The following PAH variants were observed in gnomAD, a reference collection of about 807,000 sequenced individuals.
The protein encoded by PAH is phenylalanine-4-hydroxylase.
In PAH, 64 loss-of-function variants were observed where a neutral mutation model predicts 62.0. The ratio of observed to expected loss-of-function variants is 1.03; its 90% CI spans 0.84 to 1.27. The LOEUF (loss-of-function observed/expected upper bound fraction) is 1.27, where lower values mean the gene tolerates loss of function less well. Ranked by LOEUF, PAH falls within the 50% of genes most tolerant of loss-of-function variation. The probability of loss-of-function intolerance (pLI) is 0.00; values close to 1 mark genes in which losing one functional copy is unlikely to be tolerated. For synonymous variants in PAH, 195 were observed against 196.2 expected, an observed-to-expected ratio of 0.99 and a Z score of 0.05; for missense variants, 579 against 542.8, an observed-to-expected ratio of 1.07 and a Z score of -0.66.
At chr12:102,881,627 C>G (rs2136684429) in intron 3 of PAH, among the ~76,000 whole-genome samples, 1 of 152,280 alleles carries the variant, frequency 6.6e-6, no homozygotes. Context: ...TCTCATCACC[C>G]TACCCCCTGG....
intron 9 of PAH, among the ~76,000 whole-genome samples, chr12:102,845,670 C>G (rs568422459): frequency 1.3e-5 from 2 of 152,094 alleles, no homozygotes; most frequent in Non-Finnish European, 2.9e-5. Context: ...TTAGTTACAT[C>G]TGTTTATTGG....
chr12:102,932,208 C>A (rs1010189407), intron 1 of PAH, among the ~76,000 whole-genome samples: 1 of 150,902 alleles, frequency 6.6e-6, no homozygotes, highest in Non-Finnish European at 1.5e-5. Context: ...CCTGCCCAAC[C>A]ATCCCAAACC....
intron 1 of PAH, among the ~76,000 whole-genome samples, chr12:102,915,691 T>C (rs1368407580): frequency 6.6e-6 from 1 of 152,184 alleles, no homozygotes; most frequent in African/African-American, 2.4e-5. Context: ...GATTCCTTCT[T>C]ATAATGCAGT....
intron 1 of PAH, chr12:102,958,182 G>C: frequency 2.3e-6 from 3 of 1,313,476 alleles, no homozygotes; most frequent in Non-Finnish European, 3.0e-6. Context: ...TGTCCCCCTC[G>C]CGGGCCCCGC....
intron 4 of PAH, among the ~76,000 whole-genome samples, chr12:102,876,199 C>T (rs1374127421): frequency 6.6e-6 from 1 of 152,046 alleles, no homozygotes; most frequent in African/African-American, 2.4e-5. Context: ...TCCTCATGCC[C>T]CTCTGTGTTT....
At position 102,868,053 on chromosome 12, in the gene PAH, T is replaced by TATATATACAC. The variant is rs1240010110; in HGVS notation, c.442-1400_442-1391dup. 2.9e-3 allele frequency among the ~76,000 whole-genome samples: 373 copies of TATATATACAC among 127,254 alleles called. 66 individuals are homozygous for TATATATACAC. Among genetic ancestry groups the TATATATACAC allele is most frequent in the African/African-American group, 0.012 (353 of 30,512 alleles). 83.5% of individuals were successfully genotyped at this position (127,254 alleles called of 152,430 possible). ...ATGTATATACACCTATATATATGTA[T>TATATATACAC]ATATATACACATATATATACATATA... On this transcript the variant is annotated intron_variant, in intron 4 of 12. Transcript: ENST00000553106.
intron 4 of PAH, among the ~76,000 whole-genome samples, chr12:102,869,117 C>T (rs1449528355): frequency 6.6e-6 from 1 of 152,174 alleles, no homozygotes; most frequent in Non-Finnish European, 1.5e-5. Flanking sequence ...AAAGAGAATT[C>T]CTTCAATCCG....
chr12:102,898,599 C>T (rs1031328535), intron 2 of PAH, among the ~76,000 whole-genome samples: 1 of 152,186 alleles, frequency 6.6e-6, no homozygotes, highest in African/African-American at 2.4e-5. Flanking sequence ...GATGCCTTTT[C>T]ATACTTAAGT....
chr12:102,954,285 C>A (rs1320228974), upstream of PAH, among the ~76,000 whole-genome samples: 2 of 152,216 alleles, frequency 1.3e-5, no homozygotes, highest in Non-Finnish European at 2.9e-5. Flanking sequence ...AGGAATGACT[C>A]ACCCCTAGGT....
upstream of PAH, among the ~76,000 whole-genome samples, chr12:102,952,541 G>A (rs1879797081): frequency 6.6e-6 from 1 of 152,100 alleles, no homozygotes; most frequent in Admixed American, 6.5e-5. Context: ...GAGCTATATA[G>A]ATTAACGACT....
At chr12:102,851,076 G>A (rs1219045863) in intron 8 of PAH, among the ~76,000 whole-genome samples, 6 of 140,686 alleles carry the variant, frequency 4.3e-5, no homozygotes, top group Non-Finnish European at 7.6e-5. Flanking sequence ...GTGACAGAGT[G>A]AGACCTTGCC....
chr12:102,957,409 C>G lies in PAH; in HGVS notation c.-96+786G>C, dbSNP rs1330139684. Among the ~76,000 whole-genome samples the G allele has an allele frequency of 6.6e-6, 1 of 152,090 alleles. No homozygotes were observed. Among genetic ancestry groups the G allele is most frequent in the African/African-American group, 2.4e-5 (1 of 41,418 alleles). The stretch of plus-strand genomic sequence containing the variant: ...GCCGCCTGTTTATTCAGCCGGGAGT[C>G]CGGCACGCGCCAGGCGCACGCACTG... On this transcript the variant is annotated intron_variant, in intron 1 of 4. Coordinates refer to the PAH transcript ENST00000551337. This position sits in a 1 kb window ranked among gnomAD's most constrained non-coding sequence, Gnocchi z 4.1.
Position 102,923,285 on chromosome 12 carries a change from A to G in PAH, c.-95-6060T>C, listed in dbSNP as rs563919887. On this transcript the variant is annotated intron_variant, in intron 1 of 3. Coordinates refer to the PAH transcript ENST00000546844. ...TATGGAAGCTCAGCTCCTCCTTCACACACAGCCTGATGAGCATGAGACTAA... is the reference window on the plus strand; with the variant it reads ...TATGGAAGCTCAGCTCCTCCTTCACGCACAGCCTGATGAGCATGAGACTAA... Among the ~76,000 whole-genome samples, 5 of 152,358 alleles carry G rather than the reference A, an allele frequency of 3.3e-5. 1 individual carries two copies. Among genetic ancestry groups the G allele is most frequent in the African/African-American group, 1.2e-4 (5 of 41,576 alleles).
chr12:102,883,306 G>A (rs1254732238), intron 3 of PAH, among the ~76,000 whole-genome samples: 1 of 152,136 alleles, frequency 6.6e-6, no homozygotes, highest in Non-Finnish European at 1.5e-5. Context: ...CCTCCCACCA[G>A]AGAAACAACA....
Position 102,877,564 on chromosome 12 carries a change from A to G in PAH, c.353-14T>C, listed in dbSNP as rs1876629542. The stretch of plus-strand genomic sequence containing the variant: ...GGAACCAGGGCACTGAAACACAGAG[A>G]AGGCAACGTCCTGAGTACAGATTGG... On this transcript the variant is annotated splice_polypyrimidine_tract_variant and intron_variant, in intron 3 of 12. Coordinates refer to ENST00000553106, the MANE Select transcript of PAH (RefSeq NM_000277.3). The G allele has an allele frequency of 6.2e-7, 1 of 1,601,180 alleles. No individual in the cohort carries two copies. Among genetic ancestry groups the G allele is most frequent in the South Asian group, 1.1e-5 (1 of 90,838 alleles).
At chr12:102,856,013 A>G (rs1056360722) in intron 5 of PAH, among the ~76,000 whole-genome samples, 4 of 148,584 alleles carry the variant, frequency 2.7e-5, no homozygotes, top group Admixed American at 2.1e-4. Flanking sequence ...TTATATAATT[A>G]TATACAATTA....
chr12:102,922,724 CAT>C (rs1878588240), intron 1 of PAH, among the ~76,000 whole-genome samples: 1 of 152,278 alleles, frequency 6.6e-6, no homozygotes, highest in South Asian at 2.1e-4. Context: ...TCATTTTACA[CAT>C]GTGTAAGAAG....
At chr12:102,909,490 T>C (rs1878119282) in intron 2 of PAH, among the ~76,000 whole-genome samples, 1 of 152,186 alleles carries the variant, frequency 6.6e-6, no homozygotes, top group Non-Finnish European at 1.5e-5. Context: ...GTCTTTGTCA[T>C]ATTTCTCCAC....
chr12:102,880,824 T>G (rs1345865666), intron 3 of PAH, among the ~76,000 whole-genome samples: 1 of 151,968 alleles, frequency 6.6e-6, no homozygotes, highest in Non-Finnish European at 1.5e-5. Context: ...TAAAGAAGCA[T>G]AAGGAAATGG....
Sources: allele counts gnomAD v4.1 joint callset (sites outside exome capture counted in the v4.1 genomes callset), GRCh38; gene constraint gnomAD v4.1.1; non-coding constraint Gnocchi (gnomAD v3.1); transcripts MANE v1.5; gene names NCBI Gene and HGNC (gene_info 2026-07-23, HGNC 2026-07-21).